Variants in FAM184A observed in about 807,000 individuals in gnomAD.
FAM184A encodes the protein protein FAM184A.
A neutral mutation model predicts 143.8 loss-of-function variants in FAM184A; 99 were observed. That is an observed-to-expected ratio of 0.69 (90% CI 0.58 to 0.81). The LOEUF is 0.81. FAM184A is among the 40% of genes least tolerant of loss of function. The probability of loss-of-function intolerance (pLI) is 0.00; values close to 1 mark genes in which losing one functional copy is unlikely to be tolerated. For missense variants in FAM184A, 1,217 were observed against 1,310.5 expected, an observed-to-expected ratio of 0.93 and a Z score of 1.10; for synonymous variants, 427 against 446.4, an observed-to-expected ratio of 0.96 and a Z score of 0.55.
chr6:119,104,783 G>A (rs961758901), intron 1 of FAM184A, among the ~76,000 whole-genome samples: 6 of 152,132 alleles, frequency 3.9e-5, no homozygotes, highest in African/African-American at 1.4e-4. Flanking sequence ...GCGAAAAACT[G>A]TAACTTTAGA....
intron 1 of FAM184A, among the ~76,000 whole-genome samples, chr6:119,048,509 G>A (rs777995543): frequency 2.6e-5 from 4 of 152,182 alleles, no homozygotes; most frequent in Non-Finnish European, 5.9e-5. Flanking sequence ...AGCTCCTTCA[G>A]CTGATAAACA....
chr6:119,022,941 A>T lies in FAM184A; in HGVS notation c.1150+4T>A. On this transcript the variant is annotated splice_donor_region_variant and intron_variant, in intron 3 of 17. Transcript: ENST00000338891. ...ATTACATCAAAAACTGTGGTCACAC[A>T]TACTAGCTTTGAGGACAAGATCTGA... The T allele has an allele frequency of 6.2e-7, 1 of 1,614,118 alleles. No homozygotes were observed. Among genetic ancestry groups the T allele is most frequent in the East Asian group, 2.2e-5 (1 of 44,876 alleles).
intron 6 of FAM184A, among the ~76,000 whole-genome samples, chr6:119,009,848 A>G (rs2114656139): frequency 6.6e-6 from 1 of 152,316 alleles, no homozygotes; most frequent in African/African-American, 2.4e-5. Context: ...CCTAATAGGC[A>G]TTCCATATTT....
At chr6:119,047,622 C>T (rs1180750742) in intron 1 of FAM184A, among the ~76,000 whole-genome samples, 3 of 152,088 alleles carry the variant, frequency 2.0e-5, no homozygotes, top group Admixed American at 6.6e-5. Context: ...AACTAGAAAA[C>T]CTAGAAGAGA....
intron 1 of FAM184A, among the ~76,000 whole-genome samples, chr6:119,113,500 TCATAC>T (rs1456279940): frequency 6.6e-6 from 1 of 152,126 alleles, no homozygotes; most frequent in African/African-American, 2.4e-5. Context: ...TCTTTGAAGC[TCATAC>T]CATACAACTA....
intron 1 of FAM184A, among the ~76,000 whole-genome samples, chr6:119,130,385 G>A (rs1789504300): frequency 6.6e-6 from 1 of 152,184 alleles, no homozygotes; most frequent in Admixed American, 6.5e-5. Context: ...AGATTCAATT[G>A]CCATTAGACA....
chr6:118,989,163 A>G lies in FAM184A; in HGVS notation c.2089-8813T>C, dbSNP rs536681841. ...TTTTTAGTAGAGATGGGGTTTCACC[A>G]TGTTAGCCAGGATGGTCTTGATCTC... On this transcript the variant is annotated intron_variant, in intron 9 of 17. Coordinates refer to ENST00000338891, the MANE Select transcript of FAM184A (RefSeq NM_024581.6). 6.5e-4 allele frequency among the ~76,000 whole-genome samples: 98 copies of G among 151,852 alleles called. No individual in the cohort carries two copies. In the South Asian group the frequency reaches 0.018, roughly 28 times the overall value.
chr6:119,016,749 T>C lies in FAM184A; in HGVS notation c.1528A>G (p.Met510Val), dbSNP rs140358896. 2.9e-4 allele frequency: 462 copies of C among 1,611,556 alleles called. 1 individual carries two copies. The African/African-American group carries it at 5.4e-3, about 19-fold the overall frequency. Residue 510 changes from methionine to valine, a missense_variant and splice_region_variant, in exon 5 of 18, where the codon ATG (methionine) becomes GTG (valine). Coordinates refer to ENST00000338891, the MANE Select transcript of FAM184A (RefSeq NM_024581.6). ...TGATAAATTAAATTTTTACTCACCA[T>C]TTGCAGTTTTTTCTTATCCCTAATT... ...NAIRDKKKLQ[M>V]DLEEQHNKDK... is the part of the protein sequence containing the mutation.
chr6:119,020,554 T>C (rs1167867570), intron 3 of FAM184A, among the ~76,000 whole-genome samples: 2 of 152,204 alleles, frequency 1.3e-5, no homozygotes, highest in African/African-American at 2.4e-5. Flanking sequence ...TGACTGACAC[T>C]GTGGCGCCAA....
intron 5 of FAM184A, among the ~76,000 whole-genome samples, chr6:119,012,221 G>A (rs1785111595): frequency 6.6e-6 from 1 of 152,214 alleles, no homozygotes; most frequent in Non-Finnish European, 1.5e-5. Context: ...AAGGAGCACA[G>A]TATGTTACAA....
chr6:119,032,405 C>A (rs1318036812), intron 1 of FAM184A, among the ~76,000 whole-genome samples: 1 of 149,190 alleles, frequency 6.7e-6, no homozygotes, highest in Non-Finnish European at 1.5e-5. Context: ...TTAACAGTGA[C>A]TGCCAGTCTC....
chr6:119,110,867 G>A (rs184339056), intron 1 of FAM184A, among the ~76,000 whole-genome samples: 15 of 152,290 alleles, frequency 9.8e-5, no homozygotes, highest in Middle Eastern at 3.4e-3. Flanking sequence ...AAAATTTAAC[G>A]CAGTAAAAAA....
intron 1 of FAM184A, among the ~76,000 whole-genome samples, chr6:119,036,031 C>T (rs1786100304): frequency 6.6e-6 from 1 of 152,136 alleles, no homozygotes; most frequent in African/African-American, 2.4e-5. Flanking sequence ...TTTTCGTTGA[C>T]ACCATATTAA....
rs187256975 is a variant in FAM184A at position 119,084,487 on chromosome 6, C to G, written c.-201-59674G>C. Among the ~76,000 whole-genome samples the G allele has an allele frequency of 5.8e-4, 88 of 152,366 alleles. 1 individual carries two copies. Among genetic ancestry groups the G allele is most frequent in the Admixed American group, 1.2e-3 (18 of 15,312 alleles). On this transcript the variant is annotated intron_variant, in intron 1 of 16. Transcript: ENST00000352896. Reference sequence around the variant, plus strand: ...GCTCCCAAGGCCTTGGGCAGTTCCACCCCTGTGGCCTTCCAGGGTTCAGGC... The same window carrying G: ...GCTCCCAAGGCCTTGGGCAGTTCCAGCCCTGTGGCCTTCCAGGGTTCAGGC...
At chr6:119,122,430 T>G (rs12174735) in intron 1 of FAM184A, among the ~76,000 whole-genome samples, 63,408 of 152,042 alleles carry the variant, frequency 0.42, 15,330 homozygotes, top group South Asian at 0.59. Context: ...GTGGCCTTTC[T>G]GACAGTCTGG....
chr6:119,127,428 G>C (rs1252102783), intron 1 of FAM184A, among the ~76,000 whole-genome samples: 1 of 152,174 alleles, frequency 6.6e-6, no homozygotes, highest in Non-Finnish European at 1.5e-5. Flanking sequence ...AGAGTAGCTA[G>C]GACTGTTTTC....
At chr6:119,063,422 A>G (rs1408059561) in intron 1 of FAM184A, among the ~76,000 whole-genome samples, 1 of 152,230 alleles carries the variant, frequency 6.6e-6, no homozygotes, top group African/African-American at 2.4e-5. Context: ...CCAAATATAG[A>G]ATGTCTTAGG....
intron 9 of FAM184A, among the ~76,000 whole-genome samples, chr6:118,991,751 CTTTTTTTTTTT>C (rs61476918): frequency 7.1e-5 from 3 of 42,350 alleles, no homozygotes; most frequent in South Asian, 1.7e-3. Context: ...CCTGAGAGGA[CTTTTTTTTTTT>C]TTTTTTTTTT....
intron 1 of FAM184A, among the ~76,000 whole-genome samples, chr6:119,091,292 T>C (rs1177414839): frequency 6.6e-6 from 1 of 152,176 alleles, no homozygotes; most frequent in Non-Finnish European, 1.5e-5. Flanking sequence ...GGTATGACGG[T>C]GAGAGAAGCC....
Sources: gnomAD v4.1 joint callset for allele counts (sites outside exome capture counted in the v4.1 genomes callset) on GRCh38, gnomAD v4.1.1 for gene constraint, MANE v1.5 for transcripts, NCBI Gene and HGNC (gene_info 2026-07-23, HGNC 2026-07-21) for gene names.